Variants in HUNK observed in about 807,000 individuals in gnomAD.
The protein encoded by HUNK is hormonally up-regulated Neu-associated kinase.
A neutral mutation model predicts 61.0 loss-of-function variants in HUNK; 21 were observed. The observed-to-expected ratio is 0.34, with a 90% confidence interval of 0.24 to 0.50. The LOEUF (loss-of-function observed/expected upper bound fraction) is 0.50. Among genes scored for constraint, HUNK ranks in the 20% least tolerant of loss-of-function variants. HUNK has a pLI of 0.98. For missense variants in HUNK, 772 were observed against 945.7 expected (o/e 0.82, Z 2.41); for synonymous variants, 371 against 386.1 (o/e 0.96, Z 0.46).
At chr21:31,971,135 G>C (rs1169671718) in intron 6 of HUNK, among the ~76,000 whole-genome samples, 1 of 152,064 alleles carries the variant, frequency 6.6e-6, no homozygotes, top group Non-Finnish European at 1.5e-5. Context: ...CTGGAGTGCA[G>C]TGGTGCAATC....
intron 4 of HUNK, among the ~76,000 whole-genome samples, chr21:31,955,408 G>A (rs368548649): frequency 1.3e-5 from 2 of 148,248 alleles, no homozygotes; most frequent in African/African-American, 5.0e-5. Flanking sequence ...GGCTAACACA[G>A]TGAAACCCCG....
In HUNK at chr21:31,983,542, A is replaced by G; in HGVS notation, c.1190A>G (p.Asp397Gly). The G allele has an allele frequency of 6.2e-7, 1 of 1,613,812 alleles. No individual in the cohort carries two copies. The highest frequency in any genetic ancestry group is 8.5e-7 in the Non-Finnish European group (1 of 1,179,844). ...RYLSGKSDIQDSLCYKTRLYQ... is the reference protein window; with the variant it reads ...RYLSGKSDIQGSLCYKTRLYQ... The stretch of plus-strand genomic sequence containing the variant: ...CTCTGGTAGAAATCTGACATCCAGG[A>G]CAGCCTCTGCTACAAGACCCGGCTC... Residue 397 changes from aspartate (D) to glycine (G), a missense_variant, in exon 8 of 11, where the codon GAC becomes GGC. Physicochemically the swap from Asp to Gly is moderately conservative, Grantham distance 94. Around this residue, in one of 2 missense-constraint regions of HUNK, gnomAD observed 413 missense variants for 444.4 expected, o/e 0.93. Coordinates refer to ENST00000270112, the MANE Select transcript of HUNK (RefSeq NM_014586.2).
intron 1 of HUNK, among the ~76,000 whole-genome samples, chr21:31,908,461 C>T (rs1203154618): frequency 6.6e-6 from 1 of 151,764 alleles, no homozygotes; most frequent in Non-Finnish European, 1.5e-5. Flanking sequence ...TCGGAGGAGA[C>T]TTGGCAATCC....
intron 1 of HUNK, among the ~76,000 whole-genome samples, chr21:31,915,143 G>C (rs2052573813): frequency 6.6e-6 from 1 of 151,356 alleles, no homozygotes; most frequent in South Asian, 2.1e-4. Flanking sequence ...CAGGTGTCGT[G>C]TTGATGCTTA....
At chr21:31,916,043 C>CT (rs34245381) in intron 1 of HUNK, among the ~76,000 whole-genome samples, 47,739 of 81,998 alleles carry the variant, frequency 0.58, 14,601 homozygotes, top group South Asian at 0.64. Flanking sequence ...TAAGTGCTTT[C>CT]TTTTTTTTTT....
At chr21:31,922,218 T>C (rs867028752) in intron 1 of HUNK, among the ~76,000 whole-genome samples, 93 of 151,914 alleles carry the variant, frequency 6.1e-4, no homozygotes, top group African/African-American at 2.1e-3. Flanking sequence ...GGTTTCGCCA[T>C]GTTGGCCAGA....
intron 1 of HUNK, among the ~76,000 whole-genome samples, chr21:31,874,142 T>TGGGGGC: frequency 6.6e-6 from 1 of 151,704 alleles, no homozygotes; most frequent in Non-Finnish European, 1.5e-5. Flanking sequence ...TGCCCGGGGG[T>TGGGGGC]TGGGGGCTTG....
intron 5 of HUNK, among the ~76,000 whole-genome samples, chr21:31,962,922 G>A (rs1270606318): frequency 6.6e-6 from 1 of 152,192 alleles, no homozygotes; most frequent in African/African-American, 2.4e-5. Flanking sequence ...TCAGGATTGG[G>A]AATTGTCCTG....
chr21:31,945,927 G>A, intron 3 of HUNK, 109 bp from the exon 4 acceptor site: 1 of 1,094,804 alleles, frequency 9.1e-7, no homozygotes. Context: ...GTGTTAGCCT[G>A]AGAGAATGTT....
chr21:31,895,962 G>A (rs1368158023), intron 1 of HUNK, among the ~76,000 whole-genome samples: 1 of 152,196 alleles, frequency 6.6e-6, no homozygotes, highest in Admixed American at 6.5e-5. Flanking sequence ...GGTAACTAAG[G>A]CGAAATGAGG....
rs2053246769 is a variant in HUNK at position 32,001,639 on chromosome 21, G to A, written c.*2455G>A. ...GAGAGGTGAGGGGGAGTGATGAAAG[G>A]GGATCAGCTGTATTTGTGTGTGTGT... On this transcript the variant is annotated 3_prime_UTR_variant, in exon 11 of 11. Coordinates refer to ENST00000270112, the MANE Select transcript of HUNK (RefSeq NM_014586.2). 6.8e-6 allele frequency: 1 copy of A among 146,798 alleles called. No homozygotes were observed. The highest frequency in any genetic ancestry group is 1.5e-5 in the Non-Finnish European group (1 of 65,604). 9.1% of individuals were successfully genotyped at this position (146,798 alleles called of 1,614,324 possible).
intron 10 of HUNK, among the ~76,000 whole-genome samples, 155 bp downstream of exon 10, chr21:31,996,103 C>T (rs568303971): frequency 6.6e-6 from 1 of 152,296 alleles, no homozygotes; most frequent in South Asian, 2.1e-4. Flanking sequence ...TGCCTGAGCA[C>T]AGTCCAGGAC....
chr21:31,930,926 A>G (rs1324150627), intron 2 of HUNK, among the ~76,000 whole-genome samples: 1 of 152,142 alleles, frequency 6.6e-6, no homozygotes, highest in African/African-American at 2.4e-5. Context: ...GAACTCAATA[A>G]AGGTTTCATT....
Position 31,966,317 on chromosome 21 carries a change from T to A in HUNK, c.875-1933T>A, listed in dbSNP as rs370252628. 2.0e-5 allele frequency among the ~76,000 whole-genome samples: 3 copies of A among 152,218 alleles called. No homozygotes were observed. In the East Asian group the frequency reaches 5.8e-4, roughly 29 times the overall value. On this transcript the variant is annotated intron_variant, in intron 5 of 10. Coordinates refer to ENST00000270112, the MANE Select transcript of HUNK (RefSeq NM_014586.2). Reference sequence around the variant, plus strand: ...GTATATATATATGTCACATTTTCTTTATCCACTTGTTAATTGATGGGAATT... The same window carrying A: ...GTATATATATATGTCACATTTTCTTAATCCACTTGTTAATTGATGGGAATT...
chr21:31,931,302 C>T (rs2052695089), intron 2 of HUNK, among the ~76,000 whole-genome samples: 1 of 152,118 alleles, frequency 6.6e-6, no homozygotes, highest in South Asian at 2.1e-4. Flanking sequence ...GCATGCCCCC[C>T]AATACTCTTT....
intron 6 of HUNK, among the ~76,000 whole-genome samples, chr21:31,973,851 C>T (rs549405866): frequency 2.0e-5 from 3 of 152,090 alleles, no homozygotes; most frequent in Admixed American, 6.5e-5. Context: ...CAAATGAATG[C>T]GTAGATGAAT....
At chr21:31,952,782 T>A (rs934255352) in intron 4 of HUNK, among the ~76,000 whole-genome samples, 3 of 137,770 alleles carry the variant, frequency 2.2e-5, no homozygotes, top group Admixed American at 8.2e-5. Flanking sequence ...TATTCTATGC[T>A]GCCTAGTATC....
chr21:31,999,094 G>A lies in HUNK; in HGVS notation c.2055G>A (p.Arg685=). The change falls in exon 11 of 11, where the codon AGG becomes AGA. Residue 685 remains arginine, a synonymous_variant. Transcript: ENST00000270112. The part of the protein sequence containing the change: ...RHQSLQPSAD[R]PLEASLPPLQ... ...AGAGTCTGCAGCCATCTGCAGATAGGCCCCTGGAGGCCAGCCTGCCCCCAC... is the reference window on the plus strand; with the variant it reads ...AGAGTCTGCAGCCATCTGCAGATAGACCCCTGGAGGCCAGCCTGCCCCCAC... The A allele has an allele frequency of 6.2e-7, 1 of 1,614,184 alleles. No homozygotes were observed. The highest frequency in any genetic ancestry group is 1.3e-5 in the African/African-American group (1 of 75,058).
intron 8 of HUNK, among the ~76,000 whole-genome samples, chr21:31,987,547 C>T (rs2053142426): frequency 6.6e-6 from 1 of 152,202 alleles, no homozygotes; most frequent in Non-Finnish European, 1.5e-5. Flanking sequence ...ATCTCGATTC[C>T]TTTTCTGTGT....
Sources: allele counts gnomAD v4.1 joint callset (sites outside exome capture counted in the v4.1 genomes callset), GRCh38; gene constraint gnomAD v4.1.1; regional missense constraint gnomAD v4.1.1; transcripts MANE v1.5; gene names NCBI Gene and HGNC (gene_info 2026-07-23, HGNC 2026-07-21).